Variants in RPS4Y1 observed in about 807,000 individuals in gnomAD.
RPS4Y1 encodes ribosomal protein S4 Y-linked 1.
For synonymous variants in RPS4Y1, 23 were observed against 20.8 expected, an observed-to-expected ratio of 1.10 and a Z score of -0.28; for missense variants, 30 against 60.9, an observed-to-expected ratio of 0.49 and a Z score of 1.69.
intron 4 of RPS4Y1, among the ~76,000 whole-genome samples, chrY:2,850,797 T>A: frequency 3.1e-5 from 1 of 31,922 alleles, no homozygotes; most frequent in Admixed American, 2.8e-4. Context: ...GAGCTTGCAT[T>A]TCAGAGTTCT....
intron 5 of RPS4Y1, among the ~76,000 whole-genome samples, chrY:2,857,200 T>C (rs2051160528): frequency 2.9e-5 from 1 of 33,914 alleles, no homozygotes; most frequent in East Asian, 7.7e-4. Flanking sequence ...CAGAACTCTT[T>C]CATCTTGTTA....
intron 5 of RPS4Y1, among the ~76,000 whole-genome samples, chrY:2,863,723 C>T (rs754654540): frequency 3.0e-5 from 1 of 33,324 alleles, no homozygotes; most frequent in African/African-American, 1.2e-4. Context: ...AGGGGCTGCT[C>T]GTTTACTGTC....
intron 4 of RPS4Y1, among the ~76,000 whole-genome samples, chrY:2,853,310 T>C: frequency 5.9e-5 from 2 of 34,024 alleles, no homozygotes; most frequent in Non-Finnish European, 1.5e-4. Context: ...TTCTGTCATC[T>C]GGCACTCTGT....
intron 5 of RPS4Y1, among the ~76,000 whole-genome samples, chrY:2,857,859 G>A: frequency 5.9e-5 from 2 of 34,013 alleles, no homozygotes; most frequent in African/African-American, 1.1e-4. Flanking sequence ...GGGACACAGC[G>A]GTGCAGACAA....
intron 5 of RPS4Y1, among the ~76,000 whole-genome samples, chrY:2,857,522 T>A: frequency 5.9e-5 from 2 of 33,764 alleles, no homozygotes; most frequent in Non-Finnish European, 1.5e-4. Context: ...TTCGAGTGAT[T>A]CTCCTACCTC....
chrY:2,841,699 G>A, intron 1 of RPS4Y1, 72 bp downstream of exon 1: 2 of 331,058 alleles, frequency 6.0e-6, no homozygotes, highest in Non-Finnish European at 9.0e-6. Flanking sequence ...CTACCTTGGC[G>A]ATGTTTCACT....
chrY:2,860,729 A>G (rs2051162988), intron 5 of RPS4Y1, among the ~76,000 whole-genome samples: 1 of 34,035 alleles, frequency 2.9e-5, no homozygotes, highest in Non-Finnish European at 7.3e-5. Context: ...ATCTAGCAAG[A>G]GCTCCCTTGT....
At chrY:2,865,804 T>TG in intron 6 of RPS4Y1, among the ~76,000 whole-genome samples, 1 of 33,896 alleles carries the variant, frequency 3.0e-5, no homozygotes, top group East Asian at 7.6e-4. Flanking sequence ...AATCATGCAG[T>TG]ATCCTTACAT....
intron 2 of RPS4Y1, 75 bp downstream of exon 2, chrY:2,842,317 C>T (rs2051149737): frequency 3.1e-5 from 8 of 256,853 alleles, no homozygotes; most frequent in African/African-American, 1.7e-4. Context: ...ACCTGTGGCT[C>T]GGTATTTCTT....
intron 2 of RPS4Y1, among the ~76,000 whole-genome samples, chrY:2,842,957 G>A (rs764755017): frequency 1.9e-3 from 63 of 33,768 alleles, no homozygotes; most frequent in Admixed American, 7.7e-3. Context: ...AATAAATGTG[G>A]TAAGAGACTA....
At chrY:2,857,956 A>G in intron 5 of RPS4Y1, among the ~76,000 whole-genome samples, 1 of 33,900 alleles carries the variant, frequency 2.9e-5, no homozygotes, top group Non-Finnish European at 7.3e-5. Context: ...TTGAGAAACC[A>G]TTGTGCGGTT....
intron 4 of RPS4Y1, among the ~76,000 whole-genome samples, chrY:2,852,961 A>G: frequency 5.9e-5 from 2 of 33,842 alleles, no homozygotes; most frequent in Non-Finnish European, 1.5e-4. Flanking sequence ...CAGGTCCTTT[A>G]TGTTCCATTA....
chrY:2,848,044 T>C (rs2051153829), intron 4 of RPS4Y1, among the ~76,000 whole-genome samples: 1 of 32,301 alleles, frequency 3.1e-5, no homozygotes, highest in Non-Finnish European at 7.5e-5. Flanking sequence ...AAAATACTGG[T>C]TAAAGAAATC....
At chrY:2,864,004 G>A in intron 5 of RPS4Y1, among the ~76,000 whole-genome samples, 1 of 33,644 alleles carries the variant, frequency 3.0e-5, no homozygotes, top group African/African-American at 1.2e-4. Flanking sequence ...ATAAGCAGCT[G>A]GCCTTGGGTT....
intron 5 of RPS4Y1, among the ~76,000 whole-genome samples, chrY:2,862,955 T>A: frequency 3.0e-5 from 1 of 33,712 alleles, no homozygotes. Flanking sequence ...TGTTTTCACC[T>A]GGAGACTGAA....
chrY:2,866,765 C>A, intron 6 of RPS4Y1, 28 bp from the exon 7 acceptor site: 1 of 331,089 alleles, frequency 3.0e-6, no homozygotes, highest in Non-Finnish European at 4.5e-6. Context: ...TCTTTCTGTA[C>A]TTACTTTTAT....
chrY:2,859,270 T>A (rs532668665), intron 5 of RPS4Y1, among the ~76,000 whole-genome samples: 510 of 33,819 alleles, frequency 0.015, no homozygotes, highest in Admixed American at 0.11. Flanking sequence ...GTTAATCTGT[T>A]TTACAGTCAA....
chrY:2,857,988 T>C, intron 5 of RPS4Y1, among the ~76,000 whole-genome samples: 1 of 33,923 alleles, frequency 2.9e-5, no homozygotes, highest in South Asian at 6.6e-4. Context: ...GCCTTGCCAT[T>C]TTACATTCTT....
intron 4 of RPS4Y1, chrY:2,854,317 T>G: frequency 1.1e-5 from 1 of 92,825 alleles, no homozygotes; most frequent in Non-Finnish European, 2.2e-5. Flanking sequence ...GCTTTTAGCC[T>G]GTGATAAAGG....
Sources: allele counts gnomAD v4.1 joint callset (sites outside exome capture counted in the v4.1 genomes callset), GRCh38; gene constraint gnomAD v4.1.1; transcripts MANE v1.5; gene names NCBI Gene and HGNC (gene_info 2026-07-23, HGNC 2026-07-21).